The following LRRFIP1 variants were observed in gnomAD, a reference collection of about 807,000 sequenced individuals.
The protein encoded by LRRFIP1 is leucine-rich repeat flightless-interacting protein 1.
A neutral mutation model predicts 104.4 loss-of-function variants in LRRFIP1; 62 were observed. The observed-to-expected ratio is 0.59, with a 90% CI of 0.48 to 0.73. The LOEUF is 0.73. Ranked by LOEUF, LRRFIP1 falls within the 30% of genes least tolerant of loss-of-function variation. The pLI, the probability that LRRFIP1 is intolerant of heterozygous loss-of-function variation, is 0.00. For synonymous variants in LRRFIP1, 300 were observed against 299.0 expected (o/e 1.00, Z -0.03); for missense variants, 796 against 824.5 (o/e 0.97, Z 0.42).
intron 1 of LRRFIP1, among the ~76,000 whole-genome samples, chr2:237,670,032 T>G (rs2090089530): frequency 6.6e-6 from 1 of 152,250 alleles, no homozygotes; most frequent in Non-Finnish European, 1.5e-5. Context: ...TTTCCTGTGT[T>G]CTTGGGCATT....
chr2:237,725,447 G>A (rs1353131567), intron 7 of LRRFIP1, among the ~76,000 whole-genome samples: 1 of 152,188 alleles, frequency 6.6e-6, no homozygotes, highest in Admixed American at 6.5e-5. Context: ...ATATTGTTCA[G>A]TTAACTGTCA....
intron 10 of LRRFIP1, among the ~76,000 whole-genome samples, chr2:237,736,898 G>A (rs540723690): frequency 2.4e-4 from 37 of 152,252 alleles, no homozygotes; most frequent in Admixed American, 7.2e-4. Context: ...TGGATACTCC[G>A]TTCCTTATGT....
In LRRFIP1 at chr2:237,720,840, T is replaced by C; in HGVS notation, c.345+18T>C. Reference sequence around the variant, plus strand: ...GCCTGAGGGTCAGTAACCAGAATGATGGAGTTTGCATGGCACAGTTTCTGG... The same window carrying C: ...GCCTGAGGGTCAGTAACCAGAATGACGGAGTTTGCATGGCACAGTTTCTGG... On this transcript the variant is annotated intron_variant, in intron 6 of 23. Coordinates refer to ENST00000308482, the MANE Select transcript of LRRFIP1 (RefSeq NM_001137550.2). 2 of 1,612,800 alleles carry C rather than the reference T, an allele frequency of 1.2e-6. No homozygotes were observed. Among genetic ancestry groups the C allele is most frequent in the Non-Finnish European group, 1.7e-6 (2 of 1,178,778 alleles).
Position 237,703,268 on chromosome 2 carries a change from C to T in LRRFIP1, c.97-5276C>T, listed in dbSNP as rs116365048. On this transcript the variant is annotated intron_variant, in intron 1 of 23. Transcript: ENST00000308482. The surrounding 1 kb of genome is among the most constrained non-coding windows in gnomAD (Gnocchi z 4.3). ...CTTTGTATCCTAAACTCCACAGGCC[C>T]GAACCCTGGCACTGAGCTTGATCCG... Among the ~76,000 whole-genome samples the T allele has an allele frequency of 0.011, 1,676 of 152,230 alleles. 38 individuals are homozygous for T. Among genetic ancestry groups the T allele is most frequent in the African/African-American group, 0.039 (1,606 of 41,524 alleles).
chr2:237,753,821 GGTGTGTGT>G (rs759587250), intron 15 of LRRFIP1, among the ~76,000 whole-genome samples: 6 of 132,952 alleles, frequency 4.5e-5, no homozygotes, highest in Non-Finnish European at 9.6e-5. Flanking sequence ...GGAATGGTAG[GGTGTGTGT>G]GTGTGTGTGT....
rs189141521 is a variant in LRRFIP1 at position 237,736,534 on chromosome 2, G to C, written c.555+1201G>C. ...GGTTTTCTGGTGGCTTCAGTAGAGA[G>C]TCTAAGATCTGGCAGGACGGAGGGC... is the stretch of plus-strand genomic sequence containing the variant. On this transcript the variant is annotated intron_variant, in intron 10 of 23. Transcript: ENST00000308482. Among the ~76,000 whole-genome samples the C allele has an allele frequency of 3.2e-3, 481 of 152,302 alleles. 5 individuals carry two copies. The highest frequency in any genetic ancestry group is 0.024 in the Middle Eastern group (7 of 294).
intron 1 of LRRFIP1, among the ~76,000 whole-genome samples, chr2:237,656,532 G>T (rs1404455674): frequency 6.6e-6 from 1 of 152,154 alleles, no homozygotes; most frequent in Non-Finnish European, 1.5e-5. Context: ...GTGGTTCTTG[G>T]CTGTGGCCCT....
intron 1 of LRRFIP1, among the ~76,000 whole-genome samples, chr2:237,642,439 TTCCAGGC>T (rs111328856): frequency 0.019 from 2,950 of 151,766 alleles, 104 homozygotes; most frequent in African/African-American, 0.066. Context: ...AGCTTCCGGG[TTCCAGGC>T]TCCAGGCTCC....
intron 11 of LRRFIP1, among the ~76,000 whole-genome samples, chr2:237,742,341 C>T (rs1174428293): frequency 6.6e-6 from 1 of 152,170 alleles, no homozygotes; most frequent in East Asian, 1.9e-4. Context: ...AAGGTCAGTC[C>T]CGCAGTGAGG....
At chr2:237,755,062 A>C (rs2059109338) in intron 15 of LRRFIP1, among the ~76,000 whole-genome samples, 1 of 152,242 alleles carries the variant, frequency 6.6e-6, no homozygotes, top group African/African-American at 2.4e-5. Context: ...ATCCCATCTC[A>C]GATCACCCGC....
chr2:237,737,927 C>CTTG (rs2095302386), intron 10 of LRRFIP1, among the ~76,000 whole-genome samples: 1 of 152,204 alleles, frequency 6.6e-6, no homozygotes, highest in African/African-American at 2.4e-5. Flanking sequence ...ACTTGCCCAT[C>CTTG]TTGTCCACAG....
rs377692510 is a variant in LRRFIP1, at chr2:237,643,153, C to T, written c.96+15413C>T. ...GATGTTTCAGGCTAGTTTGTAGCTG[C>T]TTCTGAACATGCAGCAGTGTGCTCA... On this transcript the variant is annotated intron_variant, in intron 1 of 23. Transcript: ENST00000308482. Among the ~76,000 whole-genome samples the T allele has an allele frequency of 2.6e-5, 4 of 152,380 alleles. No homozygotes were observed. In the South Asian group the frequency reaches 8.3e-4, roughly 32 times the overall value.
At chr2:237,675,799 G>C (rs1473479995) in intron 1 of LRRFIP1, among the ~76,000 whole-genome samples, 2 of 152,184 alleles carry the variant, frequency 1.3e-5, no homozygotes, top group Non-Finnish European at 2.9e-5. Context: ...TAGGGCCTTA[G>C]GTGTTGTTTA....
At chr2:237,777,741 G>T (rs2061210111) in intron 23 of LRRFIP1, among the ~76,000 whole-genome samples, 1 of 152,008 alleles carries the variant, frequency 6.6e-6, no homozygotes, top group South Asian at 2.1e-4. Context: ...ATTGATTTTG[G>T]AAAATATTCA....
chr2:237,670,467 T>C (rs1386939981), intron 1 of LRRFIP1, among the ~76,000 whole-genome samples: 5 of 152,260 alleles, frequency 3.3e-5, no homozygotes, highest in African/African-American at 1.2e-4. Flanking sequence ...CAGCCCATCA[T>C]GCTGAGCCAG....
chr2:237,640,679 G>A (rs1049091572), intron 1 of LRRFIP1, among the ~76,000 whole-genome samples: 2 of 152,170 alleles, frequency 1.3e-5, no homozygotes, highest in Non-Finnish European at 2.9e-5. Context: ...TAAAATAGAT[G>A]ACCAGATCAT....
intron 1 of LRRFIP1, among the ~76,000 whole-genome samples, chr2:237,644,331 G>A (rs557769094): frequency 1.2e-4 from 18 of 152,370 alleles, no homozygotes; most frequent in Middle Eastern, 3.4e-3. Flanking sequence ...AACATGCTCC[G>A]TGTGGCTTTC....
intron 1 of LRRFIP1, among the ~76,000 whole-genome samples, chr2:237,674,293 A>G (rs901319801): frequency 6.6e-6 from 1 of 152,200 alleles, no homozygotes; most frequent in East Asian, 1.9e-4. Context: ...GCAGCCCCCC[A>G]GAATCCTAGC....
At chr2:237,721,826 A>T (rs1225734400) in intron 6 of LRRFIP1, 1 of 152,244 alleles carries the variant, frequency 6.6e-6, no homozygotes, top group African/African-American at 2.4e-5. Context: ...TGATTTTGCC[A>T]AAAAACTGTG....
Sources: gnomAD v4.1 joint callset for allele counts (sites outside exome capture counted in the v4.1 genomes callset) on GRCh38, gnomAD v4.1.1 for gene constraint, Gnocchi (gnomAD v3.1) non-coding constraint, MANE v1.5 for transcripts, NCBI Gene and HGNC (gene_info 2026-07-23, HGNC 2026-07-21) for gene names.